DDIT4: variants seen among roughly 807,000 people sequenced by gnomAD.
The protein encoded by DDIT4 is DNA damage inducible transcript 4, also known as DNA damage-inducible transcript 4 protein.
Under a neutral mutation model 20.2 loss-of-function variants are expected in DDIT4, and 20 were observed. The ratio of observed to expected loss-of-function variants is 0.99; its 90% confidence interval spans 0.70 to 1.44. The LOEUF (loss-of-function observed/expected upper bound fraction) is 1.44. Ranked by LOEUF, DDIT4 falls within the 40% of genes most tolerant of loss-of-function variation. The pLI is 0.00. For synonymous variants in DDIT4, 152 were observed against 144.6 expected (o/e 1.05, Z -0.37); for missense variants, 316 against 298.1 (o/e 1.06, Z -0.44).
chr10:72,273,993 G>T lies in DDIT4; in HGVS notation c.-128G>T. On this transcript the variant is annotated 5_prime_UTR_variant, in exon 1 of 3. Coordinates refer to ENST00000307365, the MANE Select transcript of DDIT4 (RefSeq NM_019058.4). Reference sequence around the variant, plus strand: ...CTGGGCGGCTCTCGGTGGTTGGCACGGGTTCGCACACCCATTCAAGCGGCA... The same window carrying T: ...CTGGGCGGCTCTCGGTGGTTGGCACTGGTTCGCACACCCATTCAAGCGGCA... 2 of 436,092 alleles carry T rather than the reference G, an allele frequency of 4.6e-6. No individual in the cohort carries two copies. The highest frequency in any genetic ancestry group is 4.1e-5 in the South Asian group (1 of 24,488). 27.0% of individuals were successfully genotyped at this position (436,092 alleles called of 1,614,324 possible).
At position 72,274,237 on chromosome 10, in the gene DDIT4, C is replaced by G; in HGVS notation, c.21C>G (p.Arg7=). ...TCACCATGCCTAGCCTTTGGGACCG[C>G]TTCTCGTCGTCGTCCACCTCCTCTT... MPSLWD[R]FSSSSTSSSP... is the part of the protein sequence containing the mutation. Residue 7 remains arginine, a synonymous_variant, in exon 2 of 3, where the codon CGC becomes CGG. Transcript: ENST00000307365. 6.2e-7 allele frequency: 1 copy of G among 1,613,810 alleles called. No individual in the cohort carries two copies. The highest frequency in any genetic ancestry group is 2.2e-5 in the East Asian group (1 of 44,866).
Position 72,275,326 on chromosome 10 carries a change from G to A in DDIT4, c.*138G>A, listed in dbSNP as rs1217653980. The A allele has an allele frequency of 2.1e-6, 2 of 949,862 alleles. No individual in the cohort carries two copies. The highest frequency in any genetic ancestry group is 1.6e-5 in the African/African-American group (1 of 60,688). The allele number at this position is 949,862 out of a possible 1,614,324, so 58.8% of individuals were successfully genotyped here. A position where few individuals can be genotyped will look rare whatever the true frequency, so the allele number is the denominator to read the frequency against. ...GCAGCCACCTAAGGTGGAGGTGGGGGAATAGTGTTTCCCAGGAAGCTCATT... is the reference window on the plus strand; with the variant it reads ...GCAGCCACCTAAGGTGGAGGTGGGGAAATAGTGTTTCCCAGGAAGCTCATT... On this transcript the variant is annotated 3_prime_UTR_variant, in exon 3 of 3. Transcript: ENST00000307365.
chr10:72,274,918 G>A lies in DDIT4; in HGVS notation c.429G>A (p.Arg143=). ...CCTACAGCGAGCCGTGCGGCCTGCG[G>A]GGGGCGCTGCTGGACGTCTGCGTGG... ...RLAYSEPCGL[R]GALLDVCVEQ... The change falls in exon 3 of 3, where the codon CGG becomes CGA. Residue 143 remains arginine (R), a synonymous_variant. Coordinates refer to ENST00000307365, the MANE Select transcript of DDIT4 (RefSeq NM_019058.4). 6.2e-7 allele frequency: 1 copy of A among 1,612,672 alleles called. No homozygotes were observed. Among genetic ancestry groups the A allele is most frequent in the South Asian group, 1.1e-5 (1 of 91,066 alleles).
Position 72,274,737 on chromosome 10 carries a change from T to C in DDIT4, c.248T>C (p.Leu83Pro), listed in dbSNP as rs766994981. The change falls in exon 3 of 3, where the codon CTG becomes CCG. Residue 83 changes from leucine (L) to proline (P), a missense_variant. Transcript: ENST00000307365. ...GGGGTGTCGTTGCCCGACTTCGAGC[T>C]GCTCAGTGACCCTGAGGATGAACAC... ...LDGVSLPDFE[L>P]LSDPEDEHLC... 20 of 1,613,306 alleles carry C rather than the reference T, an allele frequency of 1.2e-5. No homozygotes were observed. Among genetic ancestry groups the C allele is most frequent in the Non-Finnish European group, 1.5e-5 (18 of 1,179,434 alleles).
chr10:72,275,544 C>T lies in DDIT4; in HGVS notation c.*356C>T, dbSNP rs551501864. The T allele has an allele frequency of 2.7e-5, 6 of 218,208 alleles. No homozygotes were observed. The East Asian group carries it at 7.2e-4, about 26-fold the overall frequency. The allele number at this position is 218,208 out of a possible 1,614,324, so 13.5% of individuals were successfully genotyped here. A position where few individuals can be genotyped will look rare whatever the true frequency, so the allele number is the denominator to read the frequency against. ...GGGCTGCTCCCGCCCCAGCCCGGCC[C>T]AGGGTGAAGGAAGAGGCACGTGCTC... On this transcript the variant is annotated 3_prime_UTR_variant, in exon 3 of 3. Transcript: ENST00000307365.
chr10:72,274,544 A>G (rs1779714539), intron 2 of DDIT4, 123 bp downstream of exon 2: 2 of 1,409,154 alleles, frequency 1.4e-6, no homozygotes, highest in Non-Finnish European at 9.5e-7. Context: ...GCTTGGGGGC[A>G]GGGGGAATTG....
chr10:72,274,386 TG>T lies in DDIT4; in HGVS notation c.172del (p.Asp58ThrfsTer39). 6.3e-7 allele frequency: 1 copy of T among 1,597,134 alleles called. No homozygotes were observed. On this transcript the variant is annotated frameshift_variant, in exon 2 of 3. Coordinates refer to ENST00000307365, the MANE Select transcript of DDIT4 (RefSeq NM_019058.4). LOFTEE classifies it high-confidence loss of function. ...CTGGAGAGCTCGGACTGCGAGTCCC[TG>T]GACAGCAGCAACAGTGGCTTCGGGC... ...TSLESSDCES[L>X]DSSNSGFGPE...
Position 72,274,265 on chromosome 10 carries a change from C to A in DDIT4, c.49C>A (p.Pro17Thr). ...RFSSSSTSSS[P>T]SSLPRTPTPD... ...CTCGTCGTCGTCCACCTCCTCTTCG[C>A]CCTCGTCCTTGCCCCGAACTCCCAC... Residue 17 changes from proline (P) to threonine (T), a missense_variant, in exon 2 of 3, where the codon CCC becomes ACC. Transcript: ENST00000307365. 1 of 1,613,740 alleles carries A rather than the reference C, an allele frequency of 6.2e-7. No individual in the cohort carries two copies.
chr10:72,275,776 G>A lies in DDIT4; in HGVS notation c.*588G>A, dbSNP rs1860823563. ...GGGGTGGGTGTCAGGGATCACTTGGGATCTTTGACACTTGAAAAATTACAC... is the reference window on the plus strand; with the variant it reads ...GGGGTGGGTGTCAGGGATCACTTGGAATCTTTGACACTTGAAAAATTACAC... On this transcript the variant is annotated 3_prime_UTR_variant, in exon 3 of 3. Coordinates refer to ENST00000307365, the MANE Select transcript of DDIT4 (RefSeq NM_019058.4). 6.5e-6 allele frequency: 1 copy of A among 152,716 alleles called. No homozygotes were observed. The highest frequency in any genetic ancestry group is 2.4e-5 in the African/African-American group (1 of 41,424). The allele number at this position is 152,716 out of a possible 1,614,324, so 9.5% of individuals were successfully genotyped here.
chr10:72,274,872 G>T lies in DDIT4; in HGVS notation c.383G>T (p.Gly128Val). 1 of 1,613,274 alleles carries T rather than the reference G, an allele frequency of 6.2e-7. No homozygotes were observed. The highest frequency in any genetic ancestry group is 1.1e-5 in the South Asian group (1 of 91,086). Residue 128 changes from glycine to valine, a missense_variant, in exon 3 of 3, where the codon GGC becomes GTC. Physicochemically the swap from Gly to Val is moderately radical, Grantham distance 109. Transcript: ENST00000307365. ...LMPSQLVSQV[G>V]KELLRLAYSE... is the part of the protein sequence containing the mutation. The stretch of plus-strand genomic sequence containing the variant: ...CCTAGCCAGTTGGTAAGCCAGGTGG[G>T]CAAAGAACTACTGCGCCTGGCCTAC...
Position 72,274,213 on chromosome 10 carries a change from C to T in DDIT4, c.-4C>T, listed in dbSNP as rs374629886. The T allele has an allele frequency of 1.2e-6, 2 of 1,612,184 alleles. No homozygotes were observed. The highest frequency in any genetic ancestry group is 1.3e-5 in the African/African-American group (1 of 74,908). On this transcript the variant is annotated 5_prime_UTR_variant, in exon 2 of 3. Transcript: ENST00000307365. ...CAGCAAACGCCCTGGCGTCTGTCCTCACCATGCCTAGCCTTTGGGACCGCT... is the reference window on the plus strand; with the variant it reads ...CAGCAAACGCCCTGGCGTCTGTCCTTACCATGCCTAGCCTTTGGGACCGCT...
chr10:72,274,154 C>T lies in DDIT4; in HGVS notation c.-60-3C>T. 1 of 1,354,488 alleles carries T rather than the reference C, an allele frequency of 7.4e-7. No homozygotes were observed. The highest frequency in any genetic ancestry group is 1.1e-6 in the Non-Finnish European group (1 of 947,754). The allele number at this position is 1,354,488 out of a possible 1,614,324, so 83.9% of individuals were successfully genotyped here. A position where few individuals can be genotyped will look rare whatever the true frequency, so the allele number is the denominator to read the frequency against. On this transcript the variant is annotated splice_region_variant and splice_polypyrimidine_tract_variant and intron_variant, in intron 1 of 2. Transcript: ENST00000307365. The stretch of plus-strand genomic sequence containing the variant: ...CCTGGTCGGTCCCCCTCTTGTCTTA[C>T]AGCGGCTTCTACGCTCCGGCACTCT...
Position 72,275,329 on chromosome 10 carries a change from T to G in DDIT4, c.*141T>G. The G allele has an allele frequency of 1.1e-6, 1 of 915,712 alleles. No homozygotes were observed. Among genetic ancestry groups the G allele is most frequent in the South Asian group, 1.7e-5 (1 of 57,558 alleles). 56.7% of individuals were successfully genotyped at this position (915,712 alleles called of 1,614,324 possible). A position where few individuals can be genotyped will look rare whatever the true frequency, so the allele number is the denominator to read the frequency against. On this transcript the variant is annotated 3_prime_UTR_variant, in exon 3 of 3. Coordinates refer to ENST00000307365, the MANE Select transcript of DDIT4 (RefSeq NM_019058.4). The stretch of plus-strand genomic sequence containing the variant: ...GCCACCTAAGGTGGAGGTGGGGGAA[T>G]AGTGTTTCCCAGGAAGCTCATTGAG...
Position 72,274,178 on chromosome 10 carries a change from C to CT in DDIT4, c.-38dup. ...ACAGCGGCTTCTACGCTCCGGCACT[C>CT]TGAGTTCATCAGCAAACGCCCTGGC... On this transcript the variant is annotated 5_prime_UTR_variant, in exon 2 of 3. Coordinates refer to ENST00000307365, the MANE Select transcript of DDIT4 (RefSeq NM_019058.4). The CT allele has an allele frequency of 2.0e-6, 3 of 1,534,868 alleles. No individual in the cohort carries two copies. Among genetic ancestry groups the CT allele is most frequent in the African/African-American group, 1.4e-5 (1 of 73,522 alleles).
Position 72,275,537 on chromosome 10 carries a change from C to G in DDIT4, c.*349C>G. 4.4e-6 allele frequency: 1 copy of G among 227,558 alleles called. No homozygotes were observed. Among genetic ancestry groups the G allele is most frequent in the Non-Finnish European group, 8.8e-6 (1 of 113,112 alleles). The allele number at this position is 227,558 out of a possible 1,614,324, so 14.1% of individuals were successfully genotyped here. A position where few individuals can be genotyped will look rare whatever the true frequency, so the allele number is the denominator to read the frequency against. On this transcript the variant is annotated 3_prime_UTR_variant, in exon 3 of 3. Coordinates refer to ENST00000307365, the MANE Select transcript of DDIT4 (RefSeq NM_019058.4). ...AGCAGCTGGGCTGCTCCCGCCCCAG[C>G]CCGGCCCAGGGTGAAGGAAGAGGCA...
Position 72,274,143 on chromosome 10 carries a change from C to G in DDIT4, c.-60-14C>G. Reference sequence around the variant, plus strand: ...CCAGACTGACGCCTGGTCGGTCCCCCTCTTGTCTTACAGCGGCTTCTACGC... The same window carrying G: ...CCAGACTGACGCCTGGTCGGTCCCCGTCTTGTCTTACAGCGGCTTCTACGC... On this transcript the variant is annotated splice_polypyrimidine_tract_variant and intron_variant, in intron 1 of 2. Transcript: ENST00000307365. The G allele has an allele frequency of 8.0e-7, 1 of 1,256,028 alleles. No homozygotes were observed. The highest frequency in any genetic ancestry group is 1.2e-6 in the Non-Finnish European group (1 of 859,596). The allele number at this position is 1,256,028 out of a possible 1,614,324, so 77.8% of individuals were successfully genotyped here.
At position 72,274,480 on chromosome 10, in the gene DDIT4, G is replaced by C. The variant is rs529451868; in HGVS notation, c.205+59G>C. The C allele has an allele frequency of 8.1e-5, 120 of 1,486,824 alleles. No homozygotes were observed. In the African/African-American group the frequency reaches 1.6e-3, roughly 20 times the overall value. 92.1% of individuals were successfully genotyped at this position (1,486,824 alleles called of 1,614,324 possible). ...GGGCCGGGAAGGTGGGGAAGCCCCG[G>C]TGCTGGAAGGGGTCAGAGCCGCCTT... is the stretch of plus-strand genomic sequence containing the variant. On this transcript the variant is annotated intron_variant, in intron 2 of 2. Coordinates refer to ENST00000307365, the MANE Select transcript of DDIT4 (RefSeq NM_019058.4).
chr10:72,274,097 C>T, intron 1 of DDIT4, 37 bp downstream of exon 1: 1 of 794,384 alleles, frequency 1.3e-6, no homozygotes, highest in Non-Finnish European at 2.2e-6. Flanking sequence ...CTAGAGCTCG[C>T]GGTCTGGTCT....
Position 72,275,106 on chromosome 10 carries a change from A to T in DDIT4, c.617A>T (p.Gln206Leu). 6.2e-7 allele frequency: 1 copy of T among 1,613,310 alleles called. No homozygotes were observed. Among genetic ancestry groups the T allele is most frequent in the East Asian group, 2.2e-5 (1 of 44,892 alleles). ...TCTCCCTTCCTCCCTGGCTTCAGCC[A>T]GTCCCTGACGCTGAGCACTGGCTTC... The part of the protein sequence containing the change: ...ANSPFLPGFS[Q>L]SLTLSTGFRV... The change falls in exon 3 of 3, where the codon CAG becomes CTG. Residue 206 changes from glutamine to leucine, a missense_variant. By Grantham distance (113) the Gln-to-Leu change is moderately radical (BLOSUM62 -2). Coordinates refer to ENST00000307365, the MANE Select transcript of DDIT4 (RefSeq NM_019058.4).
Sources: allele counts gnomAD v4.1 joint callset, GRCh38; gene constraint gnomAD v4.1.1; transcripts MANE v1.5; gene names NCBI Gene and HGNC (gene_info 2026-07-23, HGNC 2026-07-21).